LPIN1: variants seen among roughly 807,000 people sequenced by gnomAD.
LPIN1 encodes the protein phosphatidate phosphatase LPIN1.
A neutral mutation model predicts 107.5 loss-of-function variants in LPIN1; 71 were observed. The observed-to-expected ratio is 0.66, with a 90% CI of 0.55 to 0.80. LPIN1 has a LOEUF of 0.80. Among genes scored for constraint, LPIN1 ranks in the 30% least tolerant of loss-of-function variants. LPIN1 has a pLI of 0.00. For synonymous variants in LPIN1, 445 were observed against 452.6 expected, an observed-to-expected ratio of 0.98 and a Z score of 0.21; for missense variants, 1,043 against 1,160.6, an observed-to-expected ratio of 0.90 and a Z score of 1.47.
chr2:11,748,884 T>C (rs1220632256), intron 1 of LPIN1, among the ~76,000 whole-genome samples: 1 of 152,156 alleles, frequency 6.6e-6, no homozygotes, highest in African/African-American at 2.4e-5. Flanking sequence ...ATCCAGGTGT[T>C]AGGTCCCGCC....
chr2:11,802,406 T>A (rs904927999), intron 14 of LPIN1, among the ~76,000 whole-genome samples: 4 of 152,160 alleles, frequency 2.6e-5, no homozygotes, highest in Admixed American at 2.6e-4. Flanking sequence ...GAAGAATTGG[T>A]GAGTCTTTCT....
intron 1 of LPIN1, among the ~76,000 whole-genome samples, chr2:11,702,798 C>T (rs565452587): frequency 2.6e-4 from 40 of 152,184 alleles, no homozygotes; most frequent in Non-Finnish European, 4.6e-4. Flanking sequence ...CTCCCTGTCT[C>T]TCTGTCTCTC....
intron 14 of LPIN1, among the ~76,000 whole-genome samples, chr2:11,798,641 G>A (rs888003689): frequency 2.9e-4 from 44 of 152,080 alleles, no homozygotes; most frequent in African/African-American, 1.1e-3. Flanking sequence ...TATCAAACCT[G>A]AAAAATTAAG....
intron 1 of LPIN1, among the ~76,000 whole-genome samples, chr2:11,713,462 G>C (rs1558741696): frequency 6.6e-6 from 1 of 152,164 alleles, no homozygotes; most frequent in South Asian, 2.1e-4. Flanking sequence ...GTAGAGACAG[G>C]GTTTTGCCAT....
chr2:11,787,023 A>G (rs1228719559), intron 10 of LPIN1, 51 bp from the exon 11 acceptor site: 1 of 1,299,026 alleles, frequency 7.7e-7, no homozygotes, highest in South Asian at 1.2e-5. Context: ...CCTAATTTTG[A>G]ACTGAATTTT....
intron 7 of LPIN1, 61 bp from the exon 8 acceptor site, chr2:11,782,140 T>C: frequency 7.5e-7 from 1 of 1,339,934 alleles, no homozygotes; most frequent in Non-Finnish European, 1.1e-6. Flanking sequence ...CACTCAGTTT[T>C]TCTGGTTGCC....
At chr2:11,706,128 T>C (rs1663116496) in intron 1 of LPIN1, among the ~76,000 whole-genome samples, 1 of 152,248 alleles carries the variant, frequency 6.6e-6, no homozygotes, top group Non-Finnish European at 1.5e-5. Flanking sequence ...CATGTGGAAC[T>C]GTTAAATTCA....
chr2:11,815,638 C>T (rs1680448922), intron 18 of LPIN1, among the ~76,000 whole-genome samples: 1 of 152,056 alleles, frequency 6.6e-6, no homozygotes. Context: ...ATCTTAATGT[C>T]CGTTGGACAA....
intron 13 of LPIN1, among the ~76,000 whole-genome samples, chr2:11,794,508 T>TA (rs1239210570): frequency 1.3e-5 from 2 of 152,300 alleles, no homozygotes; most frequent in African/African-American, 2.4e-5. Context: ...TGTGTGGTAA[T>TA]AAAAAAACCT....
intron 13 of LPIN1, among the ~76,000 whole-genome samples, chr2:11,793,957 G>A (rs1676228693): frequency 6.6e-6 from 1 of 152,172 alleles, no homozygotes; most frequent in Admixed American, 6.5e-5. Flanking sequence ...CTCTGGGAAA[G>A]TAGTATGAAG....
chr2:11,751,231 C>T (rs1289369335), intron 1 of LPIN1, among the ~76,000 whole-genome samples: 1 of 152,156 alleles, frequency 6.6e-6, no homozygotes, highest in Non-Finnish European at 1.5e-5. Context: ...ATCTGACCTT[C>T]CCTCCAAAGC....
intron 1 of LPIN1, among the ~76,000 whole-genome samples, chr2:11,754,216 G>C (rs750546613): frequency 6.6e-6 from 1 of 152,238 alleles, no homozygotes; most frequent in Non-Finnish European, 1.5e-5. Context: ...CAGGAACACA[G>C]ATAAGGGGCA....
At chr2:11,685,657 C>T (rs952635404) in intron 1 of LPIN1, among the ~76,000 whole-genome samples, 13 of 152,152 alleles carry the variant, frequency 8.5e-5, no homozygotes, top group Non-Finnish European at 2.9e-5. Flanking sequence ...GACGGGTTAC[C>T]GAGTCCCCCC....
chr2:11,790,287 G>A (rs1004668635), intron 12 of LPIN1, among the ~76,000 whole-genome samples: 4 of 152,086 alleles, frequency 2.6e-5, no homozygotes, highest in African/African-American at 4.8e-5. Flanking sequence ...GATCTTAGAG[G>A]TTGGCAGTTT....
At chr2:11,696,041 C>T (rs890453219) in intron 1 of LPIN1, among the ~76,000 whole-genome samples, 66 of 144,464 alleles carry the variant, frequency 4.6e-4, no homozygotes, top group African/African-American at 1.8e-3. Flanking sequence ...CAGTTGCTGA[C>T]TCTCCTTTTT....
At chr2:11,801,887 C>A (rs189757471) in intron 14 of LPIN1, among the ~76,000 whole-genome samples, 3 of 151,686 alleles carry the variant, frequency 2.0e-5, no homozygotes, top group African/African-American at 7.3e-5. Context: ...ATTACATGCA[C>A]CCCATAAATA....
At chr2:11,761,497 C>G (rs755293141) in intron 1 of LPIN1, among the ~76,000 whole-genome samples, 1 of 152,112 alleles carries the variant, frequency 6.6e-6, no homozygotes. Flanking sequence ...CTTGTTTCCT[C>G]GGTTGAGAGA....
At chr2:11,678,650 C>T (rs1236279698) in intron 1 of LPIN1, among the ~76,000 whole-genome samples, 1 of 152,214 alleles carries the variant, frequency 6.6e-6, no homozygotes, top group African/African-American at 2.4e-5. Context: ...TCAGTCAGCT[C>T]CATCCTCAGG....
chr2:11,802,064 C>A (rs1208892446), intron 14 of LPIN1, among the ~76,000 whole-genome samples: 1 of 152,060 alleles, frequency 6.6e-6, no homozygotes, highest in Non-Finnish European at 1.5e-5. Context: ...GCTTTGGGGG[C>A]CACTCAGCCT....
Sources: gnomAD v4.1 joint callset for allele counts (sites outside exome capture counted in the v4.1 genomes callset) on GRCh38, gnomAD v4.1.1 for gene constraint, MANE v1.5 for transcripts, NCBI Gene and HGNC (gene_info 2026-07-23, HGNC 2026-07-21) for gene names.